RNASE11: variants seen among roughly 807,000 people sequenced by gnomAD.
RNASE11 encodes the protein putative inactive ribonuclease 11.
For missense variants in RNASE11, 252 were observed against 237.8 expected (o/e 1.06, Z -0.39); for synonymous variants, 105 against 86.1 (o/e 1.22, Z -1.21).
intron 1 of RNASE11, among the ~76,000 whole-genome samples, chr14:20,584,812 C>T (rs958646820): frequency 3.3e-5 from 5 of 152,128 alleles, no homozygotes; most frequent in African/African-American, 1.2e-4. Flanking sequence ...ATCCTTTTCC[C>T]TTGGTCTATA....
Position 20,583,919 on chromosome 14 carries a change from CTG to C in RNASE11, c.554_555del (p.Thr185ArgfsTer13). The C allele has an allele frequency of 6.2e-7, 1 of 1,613,802 alleles. No homozygotes were observed. The highest frequency in any genetic ancestry group is 8.5e-7 in the Non-Finnish European group (1 of 1,179,868). ...ACTAACCAGCTCATCAGAGAATGAC[CTG>C]TCAGCACTGTCAATATCTTCTCTAA... is the stretch of plus-strand genomic sequence containing the variant. On this transcript the variant is annotated frameshift_variant, in exon 2 of 2. Coordinates refer to ENST00000553849, the Ensembl canonical transcript of RNASE11. LOFTEE classifies it high-confidence loss of function.
chr14:20,583,840 T>C (rs778992597), exon 2 of RNASE11: 2 of 1,549,792 alleles, frequency 1.3e-6, no homozygotes, highest in Non-Finnish European at 1.7e-6. Context: ...GAGGTCCTTC[T>C]TTAGTAAGAC....
In RNASE11 at chr14:20,584,297, T is replaced by A; in HGVS notation, c.178A>T (p.Lys60Ter). The A allele has an allele frequency of 6.2e-7, 1 of 1,614,228 alleles. No individual in the cohort carries two copies. The highest frequency in any genetic ancestry group is 1.1e-5 in the South Asian group (1 of 91,080). ...TTGGACATGCTGAGGCTGGTATTTT[T>A]AACTAACAGGATCGGGTTCATTAAT... Residue 60 changes from lysine (K) to a stop codon, truncating the protein, a stop_gained, in exon 2 of 2, where the codon AAA becomes TAA. Coordinates refer to ENST00000553849, the Ensembl canonical transcript of RNASE11. LOFTEE classifies it low-confidence loss of function (END_TRUNC).
At chr14:20,584,142 G>A (rs759244231) in exon 2 of RNASE11, 134 of 1,614,142 alleles carry the variant, frequency 8.3e-5, no homozygotes, top group Middle Eastern at 4.9e-4. Context: ...TGCACGATCC[G>A]TTTGCTTCTG....
chr14:20,588,567 C>T (rs1884485309), upstream of RNASE11, among the ~76,000 whole-genome samples: 1 of 151,972 alleles, frequency 6.6e-6, no homozygotes, highest in Admixed American at 6.6e-5. Context: ...TTTCAAGACA[C>T]AAAGGGAGCT....
In RNASE11 at chr14:20,583,991, T is replaced by C; in HGVS notation, c.484A>G (p.Thr162Ala). The change falls in exon 2 of 2, where the codon ACA becomes GCA. Residue 162 changes from threonine (T) to alanine (A), a missense_variant. Thr to Ala is a moderately conservative substitution (Grantham distance 58, BLOSUM62 0). Transcript: ENST00000553849. Reference sequence around the variant, plus strand: ...TGGCACCTGGGGAATTGTTTGCCTGTAGTGAACTGGCACACTGTATTTTCC... The same window carrying C: ...TGGCACCTGGGGAATTGTTTGCCTGCAGTGAACTGGCACACTGTATTTTCC... 1 of 1,614,192 alleles carries C rather than the reference T, an allele frequency of 6.2e-7. No homozygotes were observed.
At position 20,586,979 on chromosome 14, in the gene RNASE11, A is replaced by G. The variant is rs554897272; in HGVS notation, c.-23+584T>C. Among the ~76,000 whole-genome samples the G allele has an allele frequency of 3.9e-5, 6 of 152,288 alleles. No individual in the cohort carries two copies. In the South Asian group the frequency reaches 1.2e-3, roughly 32 times the overall value. ...AGCCTAGGCAACATAGTGAGAATCC[A>G]TCTCTACAACAACAACAACAACAAA... On this transcript the variant is annotated intron_variant, in intron 1 of 1. Coordinates refer to ENST00000553849, the Ensembl canonical transcript of RNASE11.
At chr14:20,584,236 C>T in exon 2 of RNASE11, 1 of 1,614,204 alleles carries the variant, frequency 6.2e-7, no homozygotes, top group Non-Finnish European at 8.5e-7. Context: ...ATAATGTAAA[C>T]TTCTGAATGT....
At chr14:20,582,957 G>A (rs1219427512), downstream of RNASE11, 1 of 152,096 alleles carries the variant, frequency 6.6e-6, no homozygotes, top group Admixed American at 6.6e-5. Flanking sequence ...TCAGGATGGA[G>A]GGAGGATTTA....
chr14:20,590,037 A>C, upstream of RNASE11: 4 of 679,474 alleles, frequency 5.9e-6, no homozygotes, highest in Non-Finnish European at 9.2e-6. Flanking sequence ...CAAAGGACCT[A>C]GAGATAAGGG....
At chr14:20,585,951 C>T (rs975511615) in intron 1 of RNASE11, among the ~76,000 whole-genome samples, 2 of 152,148 alleles carry the variant, frequency 1.3e-5, no homozygotes, top group Non-Finnish European at 2.9e-5. Context: ...GCCACCATCC[C>T]TTCTACATTG....
chr14:20,590,147 A>T, upstream of RNASE11: 1 of 1,462,224 alleles, frequency 6.8e-7, no homozygotes, highest in African/African-American at 1.4e-5. Flanking sequence ...TACAGGAAGG[A>T]TAAATTAATT....
At chr14:20,584,584 C>T (rs1484398666) in intron 1 of RNASE11, 88 bp from the exon 3 acceptor site, 8 of 1,116,020 alleles carry the variant, frequency 7.2e-6, no homozygotes, top group African/African-American at 1.6e-5. Flanking sequence ...CTGGTAGGGA[C>T]CCCTACATGT....
At chr14:20,586,044 A>G (rs1237760268) in intron 1 of RNASE11, among the ~76,000 whole-genome samples, 2 of 152,186 alleles carry the variant, frequency 1.3e-5, no homozygotes, top group African/African-American at 4.8e-5. Context: ...CTTTTCTAAA[A>G]ACATAACTTG....
At chr14:20,584,310 C>A in exon 2 of RNASE11, 1 of 1,614,112 alleles carries the variant, frequency 6.2e-7, no homozygotes, top group Non-Finnish European at 8.5e-7. Flanking sequence ...CTAACAGGAT[C>A]GGGTTCATTA....
intron 1 of RNASE11, among the ~76,000 whole-genome samples, chr14:20,584,834 G>A (rs1017967168): frequency 1.3e-5 from 2 of 152,142 alleles, no homozygotes; most frequent in Admixed American, 6.5e-5. Flanking sequence ...TCTCATTGGT[G>A]GGGTGTATAA....
chr14:20,586,510 C>T (rs1884436953), intron 1 of RNASE11, among the ~76,000 whole-genome samples: 1 of 152,148 alleles, frequency 6.6e-6, no homozygotes, highest in Non-Finnish European at 1.5e-5. Flanking sequence ...ACCAAGAATA[C>T]ATAAGCCTTA....
At chr14:20,583,700 T>G in exon 2 of RNASE11, 1 of 454,008 alleles carries the variant, frequency 2.2e-6, no homozygotes, top group Non-Finnish European at 3.8e-6. Flanking sequence ...CCAGTATCAG[T>G]CATAACTTTT....
exon 2 of RNASE11, chr14:20,584,308 A>G (rs772201539): frequency 6.2e-7 from 1 of 1,614,140 alleles, no homozygotes; most frequent in Non-Finnish European, 8.5e-7. Context: ...AACTAACAGG[A>G]TCGGGTTCAT....
Sources: gnomAD v4.1 joint callset for allele counts (sites outside exome capture counted in the v4.1 genomes callset) on GRCh38, gnomAD v4.1.1 for gene constraint, MANE v1.5 for transcripts, NCBI Gene and HGNC (gene_info 2026-07-23, HGNC 2026-07-21) for gene names.